EPS15: variants seen among roughly 807,000 people sequenced by gnomAD.
EPS15 encodes epidermal growth factor receptor substrate 15.
EPS15 carries 72 observed loss-of-function variants against 113.8 expected under a neutral mutation model. The ratio of observed to expected loss-of-function variants is 0.63; its 90% CI spans 0.52 to 0.77. The LOEUF (loss-of-function observed/expected upper bound fraction) is 0.77, where lower values mean the gene tolerates loss of function less well. Among genes scored for constraint, EPS15 ranks in the 30% least tolerant of loss-of-function variants. The pLI is 0.00. For missense variants in EPS15, 1,048 were observed against 1,045.8 expected (o/e 1.00, Z -0.03); for synonymous variants, 344 against 363.4 (o/e 0.95, Z 0.61).
chr1:51,377,339 A>C (rs917249178), intron 21 of EPS15, among the ~76,000 whole-genome samples: 1 of 152,214 alleles, frequency 6.6e-6, no homozygotes, highest in African/African-American at 2.4e-5. Context: ...CTTTGAAAGA[A>C]GTTACATCCA....
rs1175530113 is a variant in EPS15 at position 51,428,202 on chromosome 1, G to A, written c.1041-6344C>T. Among the ~76,000 whole-genome samples the A allele has an allele frequency of 2.6e-5, 4 of 151,948 alleles. No homozygotes were observed. In the South Asian group the frequency reaches 8.3e-4, roughly 31 times the overall value. On this transcript the variant is annotated intron_variant, in intron 12 of 24. Coordinates refer to ENST00000371733, the MANE Select transcript of EPS15 (RefSeq NM_001981.3). ...ATATTCTCAGACAAACAAAGGCTGA[G>A]GGAGTTCATTACTTCTAGATCTACC...
rs745698538 is a variant in EPS15, at chr1:51,444,958, C to G, written c.885G>C (p.Lys295Asn). Residue 295 changes from lysine (K) to asparagine (N), a missense_variant, in exon 11 of 25, where the codon AAG becomes AAC. Lys to Asn is a moderately conservative substitution (Grantham distance 94). Coordinates refer to ENST00000371733, the MANE Select transcript of EPS15 (RefSeq NM_001981.3). ...TAAGAACGTGAGGAGGATCAATGCC[C>G]TTGATTAACTTCTGACTGATTAAGT... ...AFHLISQKLI[K>N]GIDPPHVLTP... 6.8e-6 allele frequency: 11 copies of G among 1,613,856 alleles called. No individual in the cohort carries two copies. Among genetic ancestry groups the G allele is most frequent in the South Asian group, 1.1e-5 (1 of 91,062 alleles).
At chr1:51,462,620 A>G (rs1486835804) in intron 7 of EPS15, among the ~76,000 whole-genome samples, 1 of 152,100 alleles carries the variant, frequency 6.6e-6, no homozygotes. Context: ...GGAGAGATAG[A>G]AAAATAACAT....
chr1:51,504,134 C>T (rs529283957), intron 1 of EPS15, among the ~76,000 whole-genome samples: 10 of 152,110 alleles, frequency 6.6e-5, no homozygotes, highest in African/African-American at 2.4e-4. Context: ...TCAGGCCAGG[C>T]AAGGTGGCTT....
intron 12 of EPS15, chr1:51,422,150 A>C: frequency 1.4e-6 from 1 of 714,444 alleles, no homozygotes; most frequent in Non-Finnish European, 1.9e-6. Flanking sequence ...CACTGATGTC[A>C]CTGTTGCTAT....
At chr1:51,504,327 T>G (rs556788068) in intron 1 of EPS15, among the ~76,000 whole-genome samples, 2 of 152,246 alleles carry the variant, frequency 1.3e-5, no homozygotes, top group East Asian at 3.9e-4. Context: ...GGAGGATCAC[T>G]TGAGCCCTGG....
intron 1 of EPS15, among the ~76,000 whole-genome samples, chr1:51,483,775 C>A (rs1448451725): frequency 6.7e-6 from 1 of 150,052 alleles, no homozygotes. Context: ...CACTGCACTC[C>A]AGCCTAGCAA....
intron 9 of EPS15, among the ~76,000 whole-genome samples, chr1:51,447,321 T>C (rs575988846): frequency 3.3e-5 from 5 of 152,310 alleles, no homozygotes; most frequent in African/African-American, 1.2e-4. Context: ...GACTTATCCA[T>C]AGGTGCACAT....
intron 8 of EPS15, among the ~76,000 whole-genome samples, chr1:51,450,395 T>C (rs1653445164): frequency 6.6e-6 from 1 of 151,694 alleles, no homozygotes; most frequent in South Asian, 2.1e-4. Flanking sequence ...TCAGGGAGCA[T>C]CCAATCATGG....
intron 1 of EPS15, among the ~76,000 whole-genome samples, chr1:51,483,161 TTAG>T (rs548063132): frequency 4.6e-4 from 70 of 152,244 alleles, no homozygotes; most frequent in African/African-American, 1.4e-3. Context: ...CATTAGTCAC[TTAG>T]TAGCCGACTC....
intron 1 of EPS15, among the ~76,000 whole-genome samples, chr1:51,508,370 A>AAGAAAGAAAGAAAGAG (rs1644559237): frequency 6.9e-6 from 1 of 144,112 alleles, no homozygotes; most frequent in Non-Finnish European, 1.6e-5. Context: ...GAAAGAAAGA[A>AAGAAAGAAAGAAAGAG]AGAAAGAAAG....
At chr1:51,400,022 G>A (rs1648363475) in intron 19 of EPS15, among the ~76,000 whole-genome samples, 1 of 152,048 alleles carries the variant, frequency 6.6e-6, no homozygotes, top group African/African-American at 2.4e-5. Flanking sequence ...CCAATTTTAA[G>A]TCCCCTTATT....
At chr1:51,357,453 T>C (rs1388572587) in intron 24 of EPS15, among the ~76,000 whole-genome samples, 1 of 129,118 alleles carries the variant, frequency 7.7e-6, no homozygotes, top group Non-Finnish European at 1.6e-5. Flanking sequence ...GTGATATATA[T>C]ATATATATAT....
At chr1:51,479,437 C>T (rs556489277) in intron 2 of EPS15, among the ~76,000 whole-genome samples, 9 of 152,132 alleles carry the variant, frequency 5.9e-5, no homozygotes, top group East Asian at 1.9e-4. Flanking sequence ...TATTACTGAT[C>T]GTCTGAAGCC....
chr1:51,466,330 G>C (rs1011452909), intron 5 of EPS15, among the ~76,000 whole-genome samples: 2 of 151,568 alleles, frequency 1.3e-5, no homozygotes, highest in Non-Finnish European at 2.9e-5. Context: ...AAAATATAAA[G>C]TTGAATCTAG....
chr1:51,367,309 T>C (rs1646529188), intron 21 of EPS15, among the ~76,000 whole-genome samples: 1 of 152,114 alleles, frequency 6.6e-6, no homozygotes, highest in Non-Finnish European at 1.5e-5. Flanking sequence ...CCCAGCACTT[T>C]GGGAAACATA....
intron 1 of EPS15, 112 bp downstream of exon 1, chr1:51,519,087 C>A: frequency 7.1e-6 from 5 of 704,098 alleles, no homozygotes; most frequent in South Asian, 2.7e-5. Context: ...GCCCGGCCCA[C>A]AAGCCAAGAA....
intron 13 of EPS15, among the ~76,000 whole-genome samples, chr1:51,410,228 C>CA (rs556314251): frequency 0.039 from 5,421 of 140,148 alleles, 129 homozygotes; most frequent in African/African-American, 0.069. Flanking sequence ...AACTCCATCT[C>CA]AAAAAAAAAA....
At chr1:51,518,545 A>AG (rs1203598426) in intron 1 of EPS15, 1 of 152,672 alleles carries the variant, frequency 6.5e-6, no homozygotes, top group East Asian at 1.9e-4. Flanking sequence ...AGGAGGGGGG[A>AG]GAGGCTGAAC....
Sources: allele counts gnomAD v4.1 joint callset (sites outside exome capture counted in the v4.1 genomes callset), GRCh38; gene constraint gnomAD v4.1.1; transcripts MANE v1.5; gene names NCBI Gene and HGNC (gene_info 2026-07-23, HGNC 2026-07-21).